The following MINDY2 variants were observed in gnomAD, a reference collection of about 807,000 sequenced individuals.
MINDY2 encodes MINDY lysine 48 deubiquitinase 2.
MINDY2 carries 52 observed loss-of-function variants against 68.2 expected under a neutral mutation model. The ratio of observed to expected loss-of-function variants is 0.76; its 90% confidence interval spans 0.61 to 0.96. The LOEUF (loss-of-function observed/expected upper bound fraction) is 0.96. Among genes scored for constraint, MINDY2 ranks in the 40% least tolerant of loss-of-function variants. The pLI is 0.00. For synonymous variants in MINDY2, 372 were observed against 303.0 expected (o/e 1.23, Z -2.36); for missense variants, 881 against 773.4 (o/e 1.14, Z -1.65).
rs1338888626 is a variant in MINDY2 at position 58,857,016 on chromosome 15, G to A, written c.*2406G>A. On this transcript the variant is annotated 3_prime_UTR_variant, in exon 9 of 9. Coordinates refer to ENST00000559228, the MANE Select transcript of MINDY2 (RefSeq NM_001040450.3). ...AACCAGCAGTGCTGCTATCAGATAA[G>A]TAGATGTCAATGTATACTTACAAGG... The A allele has an allele frequency of 6.6e-6, 1 of 152,176 alleles. No individual in the cohort carries two copies. The highest frequency in any genetic ancestry group is 2.4e-5 in the African/African-American group (1 of 41,448). The allele number at this position is 152,176 out of a possible 1,614,324, so 9.4% of individuals were successfully genotyped here.
intron 2 of MINDY2, among the ~76,000 whole-genome samples, chr15:58,792,163 C>G (rs1157999227): frequency 3.3e-5 from 5 of 152,250 alleles, no homozygotes; most frequent in Non-Finnish European, 5.9e-5. Flanking sequence ...ACCCTCACAC[C>G]TAGCCAGTAG....
Position 58,771,710 on chromosome 15 carries a change from G to A in MINDY2, c.315G>A (p.Gln105=), listed in dbSNP as rs772095570. The A allele has an allele frequency of 2.5e-6, 4 of 1,612,312 alleles. No individual in the cohort carries two copies. Among genetic ancestry groups the A allele is most frequent in the South Asian group, 1.1e-5 (1 of 91,052 alleles). The change falls in exon 1 of 9, where the codon CAG becomes CAA. Residue 105 remains glutamine (Q), a synonymous_variant. Transcript: ENST00000559228. ...PAAAEAPLRG[Q]YKVTASPETA... is the part of the protein sequence containing the mutation. ...CCGCCGAGGCGCCTCTGAGAGGGCA[G>A]TACAAGGTGACCGCCTCCCCGGAGA...
chr15:58,774,193 A>G (rs1424878292), intron 1 of MINDY2, among the ~76,000 whole-genome samples: 1 of 152,186 alleles, frequency 6.6e-6, no homozygotes. Context: ...CTAGAAATGC[A>G]AAGATGAGGC....
At chr15:58,794,361 GTGTGTGTGTGT>G (rs1902143416) in intron 2 of MINDY2, among the ~76,000 whole-genome samples, 2 of 118,002 alleles carry the variant, frequency 1.7e-5, no homozygotes, top group African/African-American at 7.6e-5. Context: ...TTTTTGGGGT[GTGTGTGTGTGT>G]GTGTGTGTGT....
At chr15:58,835,583 G>A (rs1356449916) in intron 6 of MINDY2, among the ~76,000 whole-genome samples, 1 of 152,184 alleles carries the variant, frequency 6.6e-6, no homozygotes, top group Non-Finnish European at 1.5e-5. Context: ...AACCTGGGAG[G>A]TGGAGGTTGC....
intron 3 of MINDY2, among the ~76,000 whole-genome samples, chr15:58,807,508 C>T (rs554915426): frequency 6.6e-6 from 1 of 151,992 alleles, no homozygotes; most frequent in South Asian, 2.1e-4. Context: ...TACAGGCGCC[C>T]GCCATCATGC....
chr15:58,829,573 C>CT (rs1567065823), intron 5 of MINDY2, among the ~76,000 whole-genome samples: 1 of 152,104 alleles, frequency 6.6e-6, no homozygotes, highest in African/African-American at 2.4e-5. Context: ...ATTTCTGTGT[C>CT]TTTTTGAAAG....
chr15:58,839,820 T>A (rs1391969225), intron 6 of MINDY2, among the ~76,000 whole-genome samples: 1 of 151,806 alleles, frequency 6.6e-6, no homozygotes, highest in Non-Finnish European at 1.5e-5. Context: ...TTACCACAGC[T>A]GATTTTATCT....
intron 6 of MINDY2, among the ~76,000 whole-genome samples, chr15:58,840,123 G>A (rs1336660158): frequency 2.0e-5 from 3 of 152,222 alleles, no homozygotes; most frequent in East Asian, 1.9e-4. Flanking sequence ...CGTGAGCCAC[G>A]CGTTTGGCCT....
At chr15:58,827,122 G>A (rs2031447963) in intron 5 of MINDY2, among the ~76,000 whole-genome samples, 1 of 152,178 alleles carries the variant, frequency 6.6e-6, no homozygotes, top group Non-Finnish European at 1.5e-5. Context: ...CAAATCGGGG[G>A]CACATGAGCC....
intron 5 of MINDY2, among the ~76,000 whole-genome samples, chr15:58,826,778 C>T (rs897577990): frequency 8.5e-5 from 13 of 152,060 alleles, no homozygotes; most frequent in African/African-American, 2.9e-4. Context: ...AATGGAGGCT[C>T]CAATTATGGA....
chr15:58,823,623 C>T (rs1204002995), intron 5 of MINDY2, among the ~76,000 whole-genome samples: 6 of 151,998 alleles, frequency 3.9e-5, no homozygotes, highest in Non-Finnish European at 7.4e-5. Context: ...CAATATCATG[C>T]CACTACACTC....
intron 4 of MINDY2, among the ~76,000 whole-genome samples, chr15:58,820,225 C>T (rs1191953747): frequency 6.6e-6 from 1 of 152,082 alleles, no homozygotes; most frequent in Non-Finnish European, 1.5e-5. Flanking sequence ...AAGACTGTGT[C>T]AGTGCACTCT....
intron 1 of MINDY2, among the ~76,000 whole-genome samples, chr15:58,778,424 A>AT (rs565903995): frequency 6.6e-6 from 1 of 151,646 alleles, no homozygotes; most frequent in African/African-American, 2.4e-5. Context: ...CTGAAGCAGG[A>AT]TTTTTTTTAT....
At chr15:58,773,302 A>G (rs1261387424) in intron 1 of MINDY2, among the ~76,000 whole-genome samples, 1 of 152,220 alleles carries the variant, frequency 6.6e-6, no homozygotes, top group African/African-American at 2.4e-5. Context: ...AAAGAAAAAT[A>G]ACCTGGATTC....
intron 2 of MINDY2, among the ~76,000 whole-genome samples, chr15:58,791,954 TAGG>T (rs1404592340): frequency 2.0e-5 from 3 of 151,726 alleles, no homozygotes; most frequent in Non-Finnish European, 4.4e-5. Flanking sequence ...AGAAGAAAAA[TAGG>T]AGGCTGTGAT....
chr15:58,817,357 T>A (rs781530762), intron 4 of MINDY2, among the ~76,000 whole-genome samples: 12 of 152,136 alleles, frequency 7.9e-5, no homozygotes, highest in Non-Finnish European at 1.6e-4. Context: ...TATGAATTGG[T>A]CATCAGAGAA....
chr15:58,847,755 G>A (rs1189206862), intron 7 of MINDY2, among the ~76,000 whole-genome samples: 1 of 152,174 alleles, frequency 6.6e-6, no homozygotes, highest in Non-Finnish European at 1.5e-5. Flanking sequence ...GAAGTGATGG[G>A]ATCTTCTTTA....
At chr15:58,832,016 A>G in intron 6 of MINDY2, 100 bp downstream of exon 6, 1 of 1,065,788 alleles carries the variant, frequency 9.4e-7, no homozygotes, top group African/African-American at 1.6e-5. Context: ...TTTTAGCGTA[A>G]TATTTCTTAA....
Sources: gnomAD v4.1 joint callset for allele counts (sites outside exome capture counted in the v4.1 genomes callset) on GRCh38, gnomAD v4.1.1 for gene constraint, MANE v1.5 for transcripts, NCBI Gene and HGNC (gene_info 2026-07-23, HGNC 2026-07-21) for gene names.